Variants in IL1R2 observed in about 807,000 individuals in gnomAD.
IL1R2 encodes the protein interleukin-1 receptor type 2.
Under a neutral mutation model 39.5 loss-of-function variants are expected in IL1R2, and 46 were observed. That is an observed-to-expected ratio of 1.16 (90% confidence interval 0.92 to 1.49). The LOEUF is 1.49. Among genes scored for constraint, IL1R2 ranks in the 40% most tolerant of loss-of-function variants. The probability of loss-of-function intolerance (pLI) is 0.00; values close to 1 mark genes in which losing one functional copy is unlikely to be tolerated. For missense variants in IL1R2, 537 were observed against 502.0 expected (o/e 1.07, Z -0.67); for synonymous variants, 207 against 189.6 (o/e 1.09, Z -0.75).
chr2:101,996,040 G>T (rs1675569420), intron 1 of IL1R2, among the ~76,000 whole-genome samples: 1 of 152,148 alleles, frequency 6.6e-6, no homozygotes, highest in South Asian at 2.1e-4. Context: ...TGGCAAGAGA[G>T]CACCAGCTGT....
intron 2 of IL1R2, 81 bp from the exon 3 acceptor site, chr2:102,009,481 A>T: frequency 6.8e-7 from 1 of 1,460,572 alleles, no homozygotes; most frequent in South Asian, 1.3e-5. Flanking sequence ...CAGAATCAGG[A>T]TCAGTCCCAG....
chr2:102,003,363 G>C (rs559941190), intron 1 of IL1R2, among the ~76,000 whole-genome samples: 5 of 116,070 alleles, frequency 4.3e-5, no homozygotes, highest in African/African-American at 1.8e-4. Flanking sequence ...TGTCTGTGTC[G>C]GTGTCTGTGT....
chr2:102,002,474 T>TGTGTCTCTGTCTGTGTCC (rs1273290804), intron 1 of IL1R2, among the ~76,000 whole-genome samples: 24 of 151,724 alleles, frequency 1.6e-4, no homozygotes, highest in Non-Finnish European at 2.4e-4. Flanking sequence ...TGTCTGTGTC[T>TGTGTCTCTGTCTGTGTCC]GTGTCTGTGT....
chr2:102,022,300 A>C, intron 6 of IL1R2, 51 bp downstream of exon 6: 1 of 1,492,328 alleles, frequency 6.7e-7, no homozygotes, highest in Non-Finnish European at 9.4e-7. Context: ...GGTGCCTGGT[A>C]TCCCAATGCA....
chr2:102,022,284 T>C (rs771844597), intron 6 of IL1R2, 35 bp downstream of exon 6: 16 of 1,559,446 alleles, frequency 1.0e-5, no homozygotes, highest in Non-Finnish European at 1.2e-5. Context: ...TCCACGCACC[T>C]GTGGGGGTGC....
intron 1 of IL1R2, among the ~76,000 whole-genome samples, chr2:101,995,819 G>A (rs1225519887): frequency 6.6e-6 from 1 of 152,232 alleles, no homozygotes; most frequent in Non-Finnish European, 1.5e-5. Context: ...AGAATTTACG[G>A]AGACCAGCAG....
At chr2:102,009,907 T>A in intron 3 of IL1R2, 81 bp downstream of exon 3, 1 of 1,482,008 alleles carries the variant, frequency 6.7e-7, no homozygotes, top group Non-Finnish European at 9.2e-7. Flanking sequence ...GATCCGGATC[T>A]CAGAATCCAG....
At chr2:101,994,623 A>G (rs1009551993) in intron 1 of IL1R2, among the ~76,000 whole-genome samples, 3 of 152,218 alleles carry the variant, frequency 2.0e-5, no homozygotes, top group African/African-American at 7.2e-5. Flanking sequence ...CCACACTTTG[A>G]GAACCCTTTC....
intron 1 of IL1R2, among the ~76,000 whole-genome samples, chr2:101,993,913 G>A (rs1414235303): frequency 6.6e-6 from 1 of 152,110 alleles, no homozygotes; most frequent in Non-Finnish European, 1.5e-5. Context: ...GCTGCAGTGG[G>A]AGCTGCCGGC....
intron 4 of IL1R2, among the ~76,000 whole-genome samples, chr2:102,017,654 G>A (rs1260432605): frequency 6.6e-6 from 1 of 151,850 alleles, no homozygotes; most frequent in African/African-American, 2.4e-5. Flanking sequence ...TTTAAATGTT[G>A]GAAAAAAAGT....
intron 5 of IL1R2, 75 bp downstream of exon 5, chr2:102,019,887 G>A (rs1677257465): frequency 7.9e-6 from 10 of 1,273,250 alleles, no homozygotes; most frequent in South Asian, 2.8e-5. Context: ...GACGGTGCAC[G>A]TAGAATTCCT....
chr2:102,006,886 C>T (rs934069496), intron 1 of IL1R2, among the ~76,000 whole-genome samples: 6 of 152,164 alleles, frequency 3.9e-5, no homozygotes, highest in Admixed American at 3.3e-4. Flanking sequence ...AGTGTGGCCT[C>T]GTGTGTGCTT....
chr2:102,014,639 C>T (rs1409721860), intron 3 of IL1R2, among the ~76,000 whole-genome samples: 1 of 151,944 alleles, frequency 6.6e-6, no homozygotes, highest in Non-Finnish European at 1.5e-5. Context: ...ATTTCTTTCA[C>T]CTTTTTTTTA....
chr2:102,004,029 A>G (rs1027483361), intron 1 of IL1R2, among the ~76,000 whole-genome samples: 3 of 150,462 alleles, frequency 2.0e-5, no homozygotes, highest in Non-Finnish European at 4.4e-5. Flanking sequence ...GTCTATGTCT[A>G]TGTCTATGTC....
intron 3 of IL1R2, among the ~76,000 whole-genome samples, chr2:102,012,028 A>G (rs1412710716): frequency 6.6e-6 from 1 of 152,236 alleles, no homozygotes; most frequent in Non-Finnish European, 1.5e-5. Context: ...TGGTCTTGAC[A>G]TGTCCTACTC....
intron 8 of IL1R2, among the ~76,000 whole-genome samples, chr2:102,027,643 G>T (rs1677817020): frequency 6.6e-6 from 1 of 152,114 alleles, no homozygotes; most frequent in South Asian, 2.1e-4. Context: ...AAAAATGCAG[G>T]ATTCTAGTCT....
chr2:102,026,073 G>A (rs773616121), intron 7 of IL1R2, 38 bp from the exon 8 acceptor site: 28 of 1,507,320 alleles, frequency 1.9e-5, no homozygotes, highest in Middle Eastern at 1.7e-4. Flanking sequence ...GCTTGCATTC[G>A]ATACAATCAT....
At position 102,011,291 on chromosome 2, in the gene IL1R2, T is replaced by G. The variant is rs1031601989; in HGVS notation, c.332+1465T>G. Reference sequence around the variant, plus strand: ...TGCTGGATCATCTGTTAATTCTATATTTAATTTTGAGGAACTATCATACTG... The same window carrying G: ...TGCTGGATCATCTGTTAATTCTATAGTTAATTTTGAGGAACTATCATACTG... On this transcript the variant is annotated intron_variant, in intron 3 of 8. Coordinates refer to ENST00000332549, the MANE Select transcript of IL1R2 (RefSeq NM_004633.4). Among the ~76,000 whole-genome samples, 4 of 152,338 alleles carry G rather than the reference T, an allele frequency of 2.6e-5. No individual in the cohort carries two copies. The Middle Eastern group carries it at 0.01, about 389-fold the overall frequency.
intron 4 of IL1R2, among the ~76,000 whole-genome samples, chr2:102,018,404 T>C (rs537055997): frequency 1.9e-4 from 29 of 152,344 alleles, no homozygotes; most frequent in African/African-American, 6.7e-4. Context: ...CTCTCGAACC[T>C]GTTTCCTCTG....
Sources: allele counts gnomAD v4.1 joint callset (sites outside exome capture counted in the v4.1 genomes callset), GRCh38; gene constraint gnomAD v4.1.1; transcripts MANE v1.5; gene names NCBI Gene and HGNC (gene_info 2026-07-23, HGNC 2026-07-21).